The following CTNNAL1 variants were observed in gnomAD, a reference collection of about 807,000 sequenced individuals.
CTNNAL1 encodes the protein alpha-catulin.
In CTNNAL1, 69 loss-of-function variants were observed where a neutral mutation model predicts 93.6. That is an observed-to-expected ratio of 0.74 (90% CI 0.61 to 0.90). CTNNAL1 has a LOEUF of 0.90. CTNNAL1 is among the 40% of genes least tolerant of loss of function. CTNNAL1 has a pLI of 0.00. For synonymous variants in CTNNAL1, 286 were observed against 305.4 expected (o/e 0.94, Z 0.66); for missense variants, 836 against 862.0 (o/e 0.97, Z 0.38).
intron 8 of CTNNAL1, among the ~76,000 whole-genome samples, chr9:108,974,162 C>T (rs1323735555): frequency 6.6e-6 from 1 of 152,144 alleles, no homozygotes; most frequent in Non-Finnish European, 1.5e-5. Flanking sequence ...GCCTTATATA[C>T]ATTATCTCCC....
chr9:108,953,279 A>G (rs188787455), intron 12 of CTNNAL1, among the ~76,000 whole-genome samples: 1 of 152,310 alleles, frequency 6.6e-6, no homozygotes, highest in Admixed American at 6.5e-5. Context: ...ACCAATAGCA[A>G]CATTTCTTTG....
intron 2 of CTNNAL1, among the ~76,000 whole-genome samples, chr9:108,995,597 A>G (rs1319699205): frequency 6.6e-6 from 1 of 152,250 alleles, no homozygotes; most frequent in Non-Finnish European, 1.5e-5. Flanking sequence ...TGTCATTACT[A>G]GTGCTGTGCC....
chr9:108,975,910 T>C (rs916743859), intron 8 of CTNNAL1, among the ~76,000 whole-genome samples: 1 of 152,158 alleles, frequency 6.6e-6, no homozygotes, highest in Non-Finnish European at 1.5e-5. Context: ...TTCAATAACC[T>C]GAGAGTGGCC....
chr9:108,998,510 G>T (rs552481160), intron 2 of CTNNAL1, among the ~76,000 whole-genome samples: 1 of 151,996 alleles, frequency 6.6e-6, no homozygotes, highest in Admixed American at 6.6e-5. Flanking sequence ...ATTTGTCCAT[G>T]CCTATCTCCC....
chr9:108,970,461 C>G lies in CTNNAL1; in HGVS notation c.1381G>C (p.Glu461Gln). ...CRLLRHISGT[E>Q]PLEITCIHAE... ...TGTATACAGGTTATTTCCAGAGGTTCTGTCCCAGATATGTGTCGTAACAAT... is the reference window on the plus strand; with the variant it reads ...TGTATACAGGTTATTTCCAGAGGTTGTGTCCCAGATATGTGTCGTAACAAT... Residue 461 changes from glutamate to glutamine, a missense_variant, in exon 10 of 19, where the codon GAA becomes CAA. Transcript: ENST00000325551. 1 of 1,612,428 alleles carries G rather than the reference C, an allele frequency of 6.2e-7. No homozygotes were observed. The highest frequency in any genetic ancestry group is 1.1e-5 in the South Asian group (1 of 90,816).
At position 108,947,119 on chromosome 9, in the gene CTNNAL1, T is replaced by C. The variant is rs111476748; in HGVS notation, c.1884+1067A>G. On this transcript the variant is annotated intron_variant, in intron 15 of 18. Coordinates refer to ENST00000325551, the MANE Select transcript of CTNNAL1 (RefSeq NM_003798.4). ...TAAAGTGATAGAAATTTCTTTCTTTTTTTTTTTTTTTTGAGATGGAGTCTT... is the reference window on the plus strand; with the variant it reads ...TAAAGTGATAGAAATTTCTTTCTTTCTTTTTTTTTTTTGAGATGGAGTCTT... 3.2e-3 allele frequency among the ~76,000 whole-genome samples: 484 copies of C among 150,578 alleles called. 3 individuals are homozygous for C. Among genetic ancestry groups the C allele is most frequent in the African/African-American group, 1.0e-2 (410 of 41,164 alleles).
intron 11 of CTNNAL1, among the ~76,000 whole-genome samples, chr9:108,960,798 G>A (rs1327166417): frequency 6.6e-6 from 1 of 152,180 alleles, no homozygotes; most frequent in East Asian, 1.9e-4. Flanking sequence ...GAAAAGTGGA[G>A]TCTTTTAGGT....
In CTNNAL1 at chr9:108,979,295, C is replaced by A; in HGVS notation, c.1087G>T (p.Val363Leu). 6.2e-7 allele frequency: 1 copy of A among 1,614,126 alleles called. No individual in the cohort carries two copies. Among genetic ancestry groups the A allele is most frequent in the Non-Finnish European group, 8.5e-7 (1 of 1,179,998 alleles). ...AAAGTTCTTACAGCTTGAATCCACACAGAAATTAACTGCTGCAGTTCCATT... is the reference window on the plus strand; with the variant it reads ...AAAGTTCTTACAGCTTGAATCCACAAAGAAATTAACTGCTGCAGTTCCATT... ...ARMELQQLIS[V>L]WIQAQSKKTK... Residue 363 changes from valine to leucine, a missense_variant, in exon 7 of 19, where the codon GTG becomes TTG. Val to Leu is a conservative substitution (Grantham distance 32). Coordinates refer to ENST00000325551, the MANE Select transcript of CTNNAL1 (RefSeq NM_003798.4).
intron 10 of CTNNAL1, among the ~76,000 whole-genome samples, chr9:108,969,452 G>T (rs1269089541): frequency 6.6e-6 from 1 of 151,958 alleles, no homozygotes; most frequent in Non-Finnish European, 1.5e-5. Flanking sequence ...TGTCATATAG[G>T]TATTTTCATA....
Position 108,943,668 on chromosome 9 carries a change from T to C in CTNNAL1, c.2055+35A>G, listed in dbSNP as rs758269751. ...AAAAGGGGCTTTAACCAGATAAAGA[T>C]AGATGTGTGAAAGTTTTTCATATGT... is the stretch of plus-strand genomic sequence containing the variant. On this transcript the variant is annotated intron_variant, in intron 17 of 18. Transcript: ENST00000325551. 16 of 1,565,110 alleles carry C rather than the reference T, an allele frequency of 1.0e-5. No homozygotes were observed. The Admixed American group carries it at 1.1e-4, about 11-fold the overall frequency.
intron 10 of CTNNAL1, among the ~76,000 whole-genome samples, chr9:108,966,597 C>T (rs1023762045): frequency 3.4e-4 from 52 of 152,170 alleles, no homozygotes; most frequent in African/African-American, 9.6e-4. Flanking sequence ...GAAAGGGGAC[C>T]GGATTGCCAA....
At chr9:109,007,600 G>A (rs998908901) in intron 1 of CTNNAL1, among the ~76,000 whole-genome samples, 1 of 152,200 alleles carries the variant, frequency 6.6e-6, no homozygotes, top group African/African-American at 2.4e-5. Context: ...GATTATTAAA[G>A]GAGGTGGGGA....
intron 12 of CTNNAL1, 33 bp downstream of exon 12, chr9:108,955,757 A>G: frequency 6.4e-7 from 1 of 1,570,490 alleles, no homozygotes; most frequent in Non-Finnish European, 8.7e-7. Context: ...CTGAATAAAA[A>G]CATTCTGCAA....
rs1830276607 is a variant in CTNNAL1 at position 108,942,707 on chromosome 9, T to C, written c.*62A>G. 9.2e-7 allele frequency: 1 copy of C among 1,090,012 alleles called. No individual in the cohort carries two copies. The highest frequency in any genetic ancestry group is 2.1e-5 in the Admixed American group (1 of 47,676). 67.5% of individuals were successfully genotyped at this position (1,090,012 alleles called of 1,614,324 possible). A position where few individuals can be genotyped will look rare whatever the true frequency, so the allele number is the denominator to read the frequency against. ...AATTTCTGAAAAGATAAAGGATCAT[T>C]TGATTTTTAAAAATGTCAGCTTCAT... On this transcript the variant is annotated 3_prime_UTR_variant, in exon 19 of 19. Coordinates refer to ENST00000325551, the MANE Select transcript of CTNNAL1 (RefSeq NM_003798.4).
At chr9:109,001,172 CAAAA>C (rs757020475) in intron 1 of CTNNAL1, among the ~76,000 whole-genome samples, 2 of 56,800 alleles carry the variant, frequency 3.5e-5, no homozygotes, top group Non-Finnish European at 6.6e-5. Context: ...ACTCCATCTC[CAAAA>C]AAAAAAAAAA....
chr9:108,983,283 G>A lies in CTNNAL1; in HGVS notation c.762C>T (p.Ala254=). 2 of 1,560,436 alleles carry A rather than the reference G, an allele frequency of 1.3e-6. No homozygotes were observed. The highest frequency in any genetic ancestry group is 1.7e-6 in the Non-Finnish European group (2 of 1,154,158). The change falls in exon 6 of 19, where the codon GCC becomes GCT. Residue 254 remains alanine (A), a synonymous_variant. Coordinates refer to ENST00000325551, the MANE Select transcript of CTNNAL1 (RefSeq NM_003798.4). ...TCLRHPNCES[A]HKNKEGVFDR... ...CAAATACTCCTTCTTTGTTTTTATGGGCTGATTCGCAGTTAGGATGCCTCA... is the reference window on the plus strand; with the variant it reads ...CAAATACTCCTTCTTTGTTTTTATGAGCTGATTCGCAGTTAGGATGCCTCA...
intron 10 of CTNNAL1, among the ~76,000 whole-genome samples, chr9:108,967,902 T>C (rs1261134403): frequency 2.0e-5 from 3 of 152,224 alleles, no homozygotes; most frequent in Non-Finnish European, 4.4e-5. Flanking sequence ...TGTTAGCTAA[T>C]ATATTAATAG....
intron 3 of CTNNAL1, chr9:108,992,004 G>A: frequency 1.3e-6 from 1 of 742,996 alleles, no homozygotes; most frequent in Non-Finnish European, 2.5e-6. Flanking sequence ...CAGAAATTTT[G>A]TAGTTGTGGA....
chr9:108,972,863 G>GA, intron 8 of CTNNAL1, 30 bp from the exon 9 acceptor site: 1 of 231,684 alleles, frequency 4.3e-6, no homozygotes, highest in Non-Finnish European at 7.1e-6. Context: ...TGGGGGGGTG[G>GA]GAGGGTGGAG....
Sources: gnomAD v4.1 joint callset for allele counts (sites outside exome capture counted in the v4.1 genomes callset) on GRCh38, gnomAD v4.1.1 for gene constraint, MANE v1.5 for transcripts, NCBI Gene and HGNC (gene_info 2026-07-23, HGNC 2026-07-21) for gene names.